The following C12orf42 variants were observed in gnomAD, a reference collection of about 807,000 sequenced individuals.
C12orf42 encodes the protein chromosome 12 open reading frame 42, also known as uncharacterized protein C12orf42.
A neutral mutation model predicts 21.6 loss-of-function variants in C12orf42; 25 were observed. The observed-to-expected ratio is 1.16, with a 90% CI of 0.84 to 1.62. The LOEUF is 1.62. C12orf42 is among the 40% of genes most tolerant of loss of function. C12orf42 has a pLI of 0.00. For synonymous variants in C12orf42, 174 were observed against 175.0 expected (o/e 0.99, Z 0.05); for missense variants, 483 against 459.3 (o/e 1.05, Z -0.47).
At chr12:103,286,974 C>T (rs1372134335) in intron 4 of C12orf42, among the ~76,000 whole-genome samples, 1 of 150,526 alleles carries the variant, frequency 6.6e-6, no homozygotes, top group African/African-American at 2.4e-5. Context: ...CACTGGCCAT[C>T]AGAGAAATGC....
At position 103,288,316 on chromosome 12, in the gene C12orf42, A is replaced by G. The variant is rs559157169; in HGVS notation, n.338-11106T>C. Among the ~76,000 whole-genome samples the G allele has an allele frequency of 3.3e-5, 5 of 152,302 alleles. No individual in the cohort carries two copies. The South Asian group carries it at 1.0e-3, about 32-fold the overall frequency. On this transcript the variant is annotated intron_variant and non_coding_transcript_variant, in intron 4 of 6. Transcript: ENST00000546526. Reference sequence around the variant, plus strand: ...GTTAAAATCTCAGTTGATTTTTCATAACGAGAATTCAGTGCAAATTGTGTA... The same window carrying G: ...GTTAAAATCTCAGTTGATTTTTCATGACGAGAATTCAGTGCAAATTGTGTA...
At chr12:103,061,770 CTCTTA>C in the C12orf42 span, among the ~76,000 whole-genome samples, 1 of 151,552 alleles carries the variant, frequency 6.6e-6, no homozygotes, top group African/African-American at 2.4e-5. Context: ...AAAGAGGTAT[CTCTTA>C]TAAGGCACAC....
the C12orf42 span, among the ~76,000 whole-genome samples, chr12:103,216,372 TTTC>T: frequency 6.6e-5 from 10 of 151,618 alleles, no homozygotes; most frequent in African/African-American, 2.2e-4. Context: ...AATACTTTTT[TTTC>T]TTTTTTTTTT....
chr12:103,467,124 G>A (rs914404736), intron 2 of C12orf42, among the ~76,000 whole-genome samples: 1 of 152,122 alleles, frequency 6.6e-6, no homozygotes, highest in Non-Finnish European at 1.5e-5. Flanking sequence ...TAAATTGTCT[G>A]TTACATATTG....
intron 2 of C12orf42, among the ~76,000 whole-genome samples, chr12:103,416,157 C>A (rs1320348): frequency 0.83 from 125,306 of 151,192 alleles, 51,964 homozygotes; most frequent in Admixed American, 0.88. Context: ...TTTAATCAAA[C>A]TTTATGTCAT....
upstream of C12orf42, among the ~76,000 whole-genome samples, chr12:103,498,662 C>A (rs1284867204): frequency 6.6e-6 from 1 of 152,122 alleles, no homozygotes; most frequent in African/African-American, 2.4e-5. Flanking sequence ...AAATGTGGTA[C>A]ATATACACCA....
At chr12:103,118,857 A>G in the C12orf42 span, among the ~76,000 whole-genome samples, 1 of 151,260 alleles carries the variant, frequency 6.6e-6, no homozygotes, top group Non-Finnish European at 1.5e-5. Flanking sequence ...ATTTATGGAA[A>G]TTAAAGTTTT....
At chr12:103,451,947 G>C (rs146440575) in intron 2 of C12orf42, among the ~76,000 whole-genome samples, 170 of 151,942 alleles carry the variant, frequency 1.1e-3, no homozygotes, top group African/African-American at 3.7e-3. Flanking sequence ...TTTCCATCAG[G>C]TGACTATGGC....
At chr12:103,501,530 A>G in the C12orf42 span, among the ~76,000 whole-genome samples, 1 of 152,218 alleles carries the variant, frequency 6.6e-6, no homozygotes, top group Non-Finnish European at 1.5e-5. Context: ...ATCCAGTGCC[A>G]GTTAGCGCCA....
chr12:103,243,231 T>A (rs1228120931), intron 10 of C12orf42, among the ~76,000 whole-genome samples: 1 of 151,996 alleles, frequency 6.6e-6, no homozygotes, highest in Non-Finnish European at 1.5e-5. Context: ...CTCACTATAT[T>A]GCCGAGGCTG....
the C12orf42 span, among the ~76,000 whole-genome samples, chr12:103,197,866 A>ATTG: frequency 1.3e-5 from 2 of 152,192 alleles, no homozygotes; most frequent in African/African-American, 4.8e-5. Flanking sequence ...GCATGCTGTA[A>ATTG]TTGTAGGGGG....
intron 1 of C12orf42, among the ~76,000 whole-genome samples, chr12:103,493,968 C>T (rs1054310075): frequency 3.3e-5 from 5 of 152,092 alleles, no homozygotes; most frequent in Non-Finnish European, 5.9e-5. Flanking sequence ...ACAATATTCA[C>T]TAGTGTAAGA....
At chr12:103,417,696 C>T (rs1017917980) in intron 2 of C12orf42, among the ~76,000 whole-genome samples, 2 of 152,190 alleles carry the variant, frequency 1.3e-5, no homozygotes, top group South Asian at 4.1e-4. Context: ...TGAATCCTCT[C>T]AGTACCTGGA....
At chr12:103,329,590 G>T (rs1490444126) in intron 4 of C12orf42, among the ~76,000 whole-genome samples, 1 of 150,462 alleles carries the variant, frequency 6.6e-6, no homozygotes, top group East Asian at 1.9e-4. Flanking sequence ...TCACTTGTGT[G>T]TTAAGAATAT....
upstream of C12orf42, among the ~76,000 whole-genome samples, chr12:103,499,965 G>A (rs1166911874): frequency 6.6e-6 from 1 of 152,168 alleles, no homozygotes; most frequent in African/African-American, 2.4e-5. Flanking sequence ...AAAATAAAGA[G>A]ATTTTGAAAA....
chr12:103,451,099 T>C (rs912958249), intron 2 of C12orf42, among the ~76,000 whole-genome samples: 23 of 152,150 alleles, frequency 1.5e-4, no homozygotes, highest in African/African-American at 5.3e-4. Flanking sequence ...AATGCTGAGG[T>C]CTCAACAAAT....
chr12:103,414,450 G>A (rs2049127667), intron 2 of C12orf42, among the ~76,000 whole-genome samples: 1 of 152,072 alleles, frequency 6.6e-6, no homozygotes, highest in Non-Finnish European at 1.5e-5. Flanking sequence ...TAGTTTGATA[G>A]GAATAGCATT....
At chr12:103,305,435 G>A (rs1271964030) in intron 5 of C12orf42, among the ~76,000 whole-genome samples, 1 of 151,998 alleles carries the variant, frequency 6.6e-6, no homozygotes, top group Non-Finnish European at 1.5e-5. Flanking sequence ...GAAAAAACTG[G>A]GCTGCAAAAA....
intron 4 of C12orf42, among the ~76,000 whole-genome samples, chr12:103,285,676 A>G (rs1049057746): frequency 2.6e-5 from 4 of 152,260 alleles, no homozygotes; most frequent in Non-Finnish European, 4.4e-5. Flanking sequence ...TATTTGAATA[A>G]TATTGGATGT....
Sources: allele counts gnomAD v4.1 joint callset (sites outside exome capture counted in the v4.1 genomes callset), GRCh38; gene constraint gnomAD v4.1.1; transcripts MANE v1.5; gene names NCBI Gene and HGNC (gene_info 2026-07-23, HGNC 2026-07-21).